TENM2: variants seen among roughly 807,000 people sequenced by gnomAD.
TENM2 encodes the protein teneurin-2.
TENM2 carries 52 observed loss-of-function variants against 245.2 expected under a neutral mutation model. The ratio of observed to expected loss-of-function variants is 0.21; its 90% CI spans 0.17 to 0.27. The LOEUF (loss-of-function observed/expected upper bound fraction) is 0.27, where lower values mean the gene tolerates loss of function less well. Among genes scored for constraint, TENM2 ranks in the 10% least tolerant of loss-of-function variants. The probability of loss-of-function intolerance (pLI) is 1.00; values close to 1 mark genes in which losing one functional copy is unlikely to be tolerated. For synonymous variants in TENM2, 1,363 were observed against 1,438.9 expected, an observed-to-expected ratio of 0.95 and a Z score of 1.19; for missense variants, 3,046 against 3,666.8, an observed-to-expected ratio of 0.83 and a Z score of 4.37.
At chr5:168,216,788 G>A in exon 22 of TENM2, 3 of 1,613,874 alleles carry the variant, frequency 1.9e-6, no homozygotes, top group Non-Finnish European at 2.5e-6. Context: ...AGACAAGAAT[G>A]GGCTCATGTA....
intron 2 of TENM2, among the ~76,000 whole-genome samples, chr5:167,502,259 T>C (rs1769257815): frequency 1.3e-5 from 2 of 152,240 alleles, no homozygotes; most frequent in African/African-American, 2.4e-5. Flanking sequence ...GTGAATGAAC[T>C]TGAGTGACCT....
At chr5:167,734,882 T>C (rs1760696158) in intron 2 of TENM2, among the ~76,000 whole-genome samples, 1 of 152,152 alleles carries the variant, frequency 6.6e-6, no homozygotes, top group Non-Finnish European at 1.5e-5. Flanking sequence ...TTCTCCACGC[T>C]CTACACATGC....
At chr5:167,314,709 T>C (rs926752639) in intron 1 of TENM2, among the ~76,000 whole-genome samples, 1 of 152,116 alleles carries the variant, frequency 6.6e-6, no homozygotes, top group Admixed American at 6.6e-5. Context: ...TATTTTTAAA[T>C]GTATAAGTAA....
chr5:168,226,031 G>A (rs1764147670), intron 23 of TENM2, 57 bp from the exon 26 acceptor site: 2 of 1,517,050 alleles, frequency 1.3e-6, no homozygotes, highest in South Asian at 1.2e-5. Flanking sequence ...TGGGAACACT[G>A]TCAGCCCCAA....
intron 5 of TENM2, among the ~76,000 whole-genome samples, 193 bp from the exon 8 acceptor site, chr5:168,047,234 G>A (rs766861348): frequency 1.3e-5 from 2 of 152,062 alleles, no homozygotes; most frequent in Admixed American, 6.5e-5. Context: ...GAGCAGCAGC[G>A]CCAGAAGGGG....
rs141079697 is a variant in TENM2, at chr5:167,766,783, G to A, written c.503-109203G>A. Among the ~76,000 whole-genome samples, 944 of 152,242 alleles carry A rather than the reference G, an allele frequency of 6.2e-3. 11 individuals are homozygous for A. The highest frequency in any genetic ancestry group is 0.022 in the African/African-American group (902 of 41,534). On this transcript the variant is annotated intron_variant, in intron 2 of 28. Transcript: ENST00000518659. ...AATTCCAGCTACTCGGGAGGCTGAG[G>A]CAGGAGAATCGGTTGAACCTGGGAG...
chr5:167,306,974 G>T (rs997802615), intron 1 of TENM2, among the ~76,000 whole-genome samples: 1 of 152,190 alleles, frequency 6.6e-6, no homozygotes, highest in Non-Finnish European at 1.5e-5. Context: ...GTATGAAAGG[G>T]CTGGAAAGAG....
the TENM2 span, among the ~76,000 whole-genome samples, chr5:167,215,088 T>C: frequency 1.3e-5 from 2 of 152,210 alleles, no homozygotes; most frequent in Non-Finnish European, 2.9e-5. Context: ...TCTTCCCTCA[T>C]TATAACTGTA....
intron 2 of TENM2, among the ~76,000 whole-genome samples, chr5:167,458,930 G>C (rs1766112548): frequency 6.6e-6 from 1 of 152,128 alleles, no homozygotes; most frequent in Non-Finnish European, 1.5e-5. Flanking sequence ...AATACTGTTT[G>C]CATTAAAAAT....
chr5:168,018,027 G>T (rs1229611491), intron 5 of TENM2, among the ~76,000 whole-genome samples: 1 of 152,174 alleles, frequency 6.6e-6, no homozygotes, highest in Non-Finnish European at 1.5e-5. Context: ...GGCAACAGAA[G>T]AGCTGTCTTT....
intron 12 of TENM2, among the ~76,000 whole-genome samples, chr5:168,158,195 T>C (rs987761706): frequency 6.6e-5 from 10 of 152,176 alleles, no homozygotes; most frequent in African/African-American, 2.2e-4. Context: ...AGTGGGTTTT[T>C]TTAAATCCCA....
intron 7 of TENM2, among the ~76,000 whole-genome samples, chr5:168,088,660 G>C (rs1283034891): frequency 6.6e-6 from 1 of 152,160 alleles, no homozygotes; most frequent in Non-Finnish European, 1.5e-5. Flanking sequence ...CTGAATGTTA[G>C]GTGTGATTAT....
the TENM2 span, among the ~76,000 whole-genome samples, chr5:167,092,436 TC>T: frequency 3.3e-5 from 5 of 152,158 alleles, no homozygotes; most frequent in Admixed American, 6.5e-5. Context: ...TGACACCAGC[TC>T]TAGATTTAGG....
intron 23 of TENM2, 118 bp from the exon 26 acceptor site, chr5:168,225,970 C>T (rs1174322211): frequency 1.5e-5 from 13 of 858,138 alleles, no homozygotes; most frequent in Admixed American, 2.6e-5. Flanking sequence ...CAGTGAGATG[C>T]GCCACCCAGC....
chr5:167,486,326 C>CTT lies in TENM2; in HGVS notation c.502+110867_502+110868dup, dbSNP rs546349438. On this transcript the variant is annotated intron_variant, in intron 2 of 28. Transcript: ENST00000518659. ...TATTTTTGCCATTTCTTTTTCTTTTCTTTTTTTTTTTTTTTCTTTTGAGAC... is the reference window on the plus strand; with the variant it reads ...TATTTTTGCCATTTCTTTTTCTTTTCTTTTTTTTTTTTTTTTTCTTTTGAGAC... 3.6e-5 allele frequency among the ~76,000 whole-genome samples: 5 copies of CTT among 140,594 alleles called. No individual in the cohort carries two copies. The South Asian group carries it at 6.8e-4, about 19-fold the overall frequency. 92.2% of individuals were successfully genotyped at this position (140,594 alleles called of 152,430 possible).
intron 2 of TENM2, among the ~76,000 whole-genome samples, chr5:167,831,485 C>CTTTTTT (rs10667494): frequency 7.8e-6 from 1 of 127,764 alleles, no homozygotes; most frequent in African/African-American, 3.0e-5. Context: ...GAGTTCAGCA[C>CTTTTTT]TTTTTTTTTT....
intron 2 of TENM2, among the ~76,000 whole-genome samples, chr5:167,680,677 G>C (rs1020778604): frequency 1.3e-5 from 2 of 152,162 alleles, no homozygotes; most frequent in Non-Finnish European, 2.9e-5. Flanking sequence ...TAGCAGAAGA[G>C]TGTGGAGATG....
chr5:168,084,643 G>T (rs1792290678), intron 7 of TENM2, among the ~76,000 whole-genome samples: 1 of 152,202 alleles, frequency 6.6e-6, no homozygotes, highest in African/African-American at 2.4e-5. Flanking sequence ...AAGGCCCTAT[G>T]GCTGGGATGA....
intron 11 of TENM2, among the ~76,000 whole-genome samples, chr5:168,125,959 C>T (rs781305608): frequency 3.3e-5 from 5 of 152,090 alleles, no homozygotes; most frequent in African/African-American, 4.8e-5. Flanking sequence ...CCGGCCTGGT[C>T]TTCCTTCACC....
Sources: allele counts gnomAD v4.1 joint callset (sites outside exome capture counted in the v4.1 genomes callset), GRCh38; gene constraint gnomAD v4.1.1; transcripts MANE v1.5; gene names NCBI Gene and HGNC (gene_info 2026-07-23, HGNC 2026-07-21).